Variants in RAD54B observed in about 807,000 individuals in gnomAD.
The protein encoded by RAD54B is RAD54 homolog B.
A neutral mutation model predicts 95.8 loss-of-function variants in RAD54B; 78 were observed. The observed-to-expected ratio is 0.81, with a 90% CI of 0.68 to 0.98. The LOEUF is 0.98. Ranked by LOEUF, RAD54B falls within the 50% of genes least tolerant of loss-of-function variation. The pLI, the probability that RAD54B is intolerant of heterozygous loss-of-function variation, is 0.00. For missense variants in RAD54B, 957 were observed against 1,056.6 expected (o/e 0.91, Z 1.31); for synonymous variants, 328 against 354.9 (o/e 0.92, Z 0.85).
intron 3 of RAD54B, among the ~76,000 whole-genome samples, chr8:94,439,998 A>G (rs1405446254): frequency 2.0e-5 from 3 of 152,242 alleles, no homozygotes; most frequent in Non-Finnish European, 4.4e-5. Flanking sequence ...TTTTCCCACA[A>G]GGGATGGCTT....
chr8:94,394,992 G>A (rs1195308575), intron 8 of RAD54B, among the ~76,000 whole-genome samples: 1 of 152,070 alleles, frequency 6.6e-6, no homozygotes, highest in African/African-American at 2.4e-5. Context: ...CATTGAAAGA[G>A]TTGGGAAAAA....
chr8:94,450,110 A>C (rs1716118049), intron 3 of RAD54B, among the ~76,000 whole-genome samples: 1 of 152,216 alleles, frequency 6.6e-6, no homozygotes, highest in South Asian at 2.1e-4. Context: ...TGATCTCCTC[A>C]AAACTCAATT....
intron 3 of RAD54B, chr8:94,431,858 T>A: frequency 9.0e-7 from 1 of 1,109,622 alleles, no homozygotes; most frequent in Non-Finnish European, 1.1e-6. Context: ...CATTTGTGTA[T>A]ATCTTAGTGA....
At chr8:94,468,642 A>G (rs1382589114) in intron 1 of RAD54B, among the ~76,000 whole-genome samples, 1 of 151,860 alleles carries the variant, frequency 6.6e-6, no homozygotes, top group Non-Finnish European at 1.5e-5. Context: ...TGGCTAACCC[A>G]GTGAAACCAC....
At chr8:94,415,687 C>A (rs1237405585) in intron 3 of RAD54B, among the ~76,000 whole-genome samples, 1 of 146,490 alleles carries the variant, frequency 6.8e-6, no homozygotes, top group African/African-American at 2.5e-5. Flanking sequence ...AACAAACAAC[C>A]CCATCAAAAA....
chr8:94,391,750 A>G lies in RAD54B; in HGVS notation c.1668T>C (p.Ile556=). The change falls in exon 10 of 15, where the codon ATT becomes ATC. Residue 556 remains isoleucine (I), a synonymous_variant. Transcript: ENST00000336148. ...AATTTAACAGCTTTCGATAAAGCTC[A>G]ATCTGTAGTGCTCCTGGTCGGCAAA... ...VVFCRPGALQ[I]ELYRKLLNSQ... The G allele has an allele frequency of 6.2e-7, 1 of 1,614,066 alleles. No individual in the cohort carries two copies. Among genetic ancestry groups the G allele is most frequent in the Non-Finnish European group, 8.5e-7 (1 of 1,180,010 alleles).
intron 3 of RAD54B, chr8:94,432,364 C>T (rs770900053): frequency 6.5e-7 from 1 of 1,550,332 alleles, no homozygotes; most frequent in South Asian, 1.2e-5. Context: ...CTAAAGTGTT[C>T]ACCACTCTCA....
At chr8:94,392,699 G>A (rs1181013930) in intron 9 of RAD54B, among the ~76,000 whole-genome samples, 1 of 148,538 alleles carries the variant, frequency 6.7e-6, no homozygotes, top group Non-Finnish European at 1.5e-5. Flanking sequence ...CCAGGCTCAA[G>A]CAATCCTCCC....
chr8:94,453,845 G>A (rs959851021), intron 3 of RAD54B, among the ~76,000 whole-genome samples: 11 of 152,052 alleles, frequency 7.2e-5, no homozygotes, highest in Non-Finnish European at 1.2e-4. Context: ...AGGCTGGAGT[G>A]CAACGGCGCA....
Position 94,411,269 on chromosome 8 carries a change from C to A in RAD54B, c.351G>T (p.Glu117Asp). 2 of 1,607,442 alleles carry A rather than the reference C, an allele frequency of 1.2e-6. No individual in the cohort carries two copies. Among genetic ancestry groups the A allele is most frequent in the Non-Finnish European group, 1.7e-6 (2 of 1,178,320 alleles). ...KEVAVSKEQE[E>D]KSDSLVKYFS... The stretch of plus-strand genomic sequence containing the variant: ...AATATTTAACTAGGCTATCAGATTT[C>A]TCTTCTTGTTCCTTGGACACTGCTA... The change falls in exon 4 of 15, where the codon GAG becomes GAT. Residue 117 changes from glutamate to aspartate, a missense_variant. Physicochemically the swap from Glu to Asp is conservative, Grantham distance 45. Transcript: ENST00000336148.
intron 3 of RAD54B, among the ~76,000 whole-genome samples, chr8:94,414,872 C>T (rs897332639): frequency 6.6e-6 from 1 of 152,062 alleles, no homozygotes; most frequent in East Asian, 1.9e-4. Flanking sequence ...AAAGAGGATA[C>T]AAACAAATGG....
chr8:94,426,610 A>T (rs1369143771), intron 3 of RAD54B, among the ~76,000 whole-genome samples: 1 of 152,234 alleles, frequency 6.6e-6, no homozygotes, highest in Non-Finnish European at 1.5e-5. Flanking sequence ...AAGTATGCAT[A>T]TTGTATGATT....
chr8:94,432,167 G>C (rs1224298392), intron 3 of RAD54B: 1 of 1,549,728 alleles, frequency 6.5e-7, no homozygotes, highest in African/African-American at 1.4e-5. Flanking sequence ...CATGCCGTAA[G>C]CGAATTGCTT....
rs1335092883 is a variant in RAD54B, at chr8:94,391,884, C to T, written c.1534G>A (p.Gly512Arg). The T allele has an allele frequency of 6.2e-7, 1 of 1,604,758 alleles. No individual in the cohort carries two copies. Among genetic ancestry groups the T allele is most frequent in the South Asian group, 1.1e-5 (1 of 88,566 alleles). The stretch of plus-strand genomic sequence containing the variant: ...GTAAGTTCAGCTGCTCTTCTTTCTC[C>T]TAACTCCTTTTCTTCCTATGGAAAA... The part of the protein sequence containing the change: ...PSASEEEKEL[G>R]ERRAAELTCL... The change falls in exon 10 of 15, where the codon GGA (glycine) becomes AGA (arginine). Residue 512 changes from glycine (G) to arginine (R), a missense_variant. Gly to Arg is a moderately radical substitution (Grantham distance 125). Transcript: ENST00000336148.
rs375749014 is a variant in RAD54B at position 94,463,760 on chromosome 8, C to T, written c.135+3645G>A. ...TATAAAATTTAAAATTTAAAAATCT[C>T]TAAAAAAATTTAAAAATGATGGCAC... On this transcript the variant is annotated intron_variant, in intron 2 of 14. Coordinates refer to ENST00000336148, the MANE Select transcript of RAD54B (RefSeq NM_012415.3). Among the ~76,000 whole-genome samples, 451 of 151,618 alleles carry T rather than the reference C, an allele frequency of 3.0e-3. 1 individual carries two copies. The highest frequency in any genetic ancestry group is 7.5e-3 in the South Asian group (36 of 4,790).
chr8:94,382,322 G>C (rs535357938), intron 11 of RAD54B, among the ~76,000 whole-genome samples: 1 of 152,082 alleles, frequency 6.6e-6, no homozygotes, highest in African/African-American at 2.4e-5. Context: ...ATCGAAATTT[G>C]AAAATCATCG....
intron 3 of RAD54B, chr8:94,431,010 C>G (rs1586164641): frequency 2.0e-6 from 2 of 985,360 alleles, no homozygotes; most frequent in East Asian, 2.3e-4. Flanking sequence ...CCCATGGTCC[C>G]CTTCACTGCT....
Position 94,389,917 on chromosome 8 carries a change from T to C in RAD54B, c.1809+1692A>G, listed in dbSNP as rs138026769. 2.0e-5 allele frequency among the ~76,000 whole-genome samples: 3 copies of C among 152,342 alleles called. No individual in the cohort carries two copies. The East Asian group carries it at 5.8e-4, about 29-fold the overall frequency. On this transcript the variant is annotated intron_variant, in intron 10 of 14. Coordinates refer to ENST00000336148, the MANE Select transcript of RAD54B (RefSeq NM_012415.3). ...TGCTTTCTTCAAGAATGTACAAACATATTCTAAATTAACTGGTATACTCTG... is the reference window on the plus strand; with the variant it reads ...TGCTTTCTTCAAGAATGTACAAACACATTCTAAATTAACTGGTATACTCTG...
chr8:94,432,077 T>C, intron 3 of RAD54B: 1 of 1,485,234 alleles, frequency 6.7e-7, no homozygotes, highest in Non-Finnish European at 8.9e-7. Flanking sequence ...ATTCCCAAAT[T>C]AAAGTAATTT....
Sources: gnomAD v4.1 joint callset for allele counts (sites outside exome capture counted in the v4.1 genomes callset) on GRCh38, gnomAD v4.1.1 for gene constraint, MANE v1.5 for transcripts, NCBI Gene and HGNC (gene_info 2026-07-23, HGNC 2026-07-21) for gene names.